DOCK1: variants seen among roughly 807,000 people sequenced by gnomAD.
DOCK1 encodes dedicator of cytokinesis protein 1.
In DOCK1, 138 loss-of-function variants were observed where a neutral mutation model predicts 262.7. That is an observed-to-expected ratio of 0.53 (90% confidence interval 0.46 to 0.61). The LOEUF is 0.61. DOCK1 is among the 20% of genes least tolerant of loss of function. The probability of loss-of-function intolerance (pLI) is 0.00; values close to 1 mark genes in which losing one functional copy is unlikely to be tolerated. For synonymous variants in DOCK1, 866 were observed against 867.4 expected, an observed-to-expected ratio of 1.00 and a Z score of 0.03; for missense variants, 1,908 against 2,370.7, an observed-to-expected ratio of 0.80 and a Z score of 4.05.
At chr10:127,262,050 C>T (rs1590182572) in intron 29 of DOCK1, among the ~76,000 whole-genome samples, 1 of 90,092 alleles carries the variant, frequency 1.1e-5, no homozygotes, top group Non-Finnish European at 2.2e-5. Context: ...GTGTGTGTAC[C>T]TGTGCTCTTC....
chr10:127,024,845 A>G lies in DOCK1; in HGVS notation c.1551+62A>G, dbSNP rs188080919. ...ATTATGAAATGCTCATTTGTAACCCAAGGAAACATCCTAACATCCTCCTCA... is the reference window on the plus strand; with the variant it reads ...ATTATGAAATGCTCATTTGTAACCCGAGGAAACATCCTAACATCCTCCTCA... On this transcript the variant is annotated intron_variant, in intron 15 of 51. Coordinates refer to ENST00000623213, the MANE Select transcript of DOCK1 (RefSeq NM_001290223.2). The G allele has an allele frequency of 3.6e-6, 5 of 1,405,432 alleles. No homozygotes were observed. The African/African-American group carries it at 4.3e-5, about 12-fold the overall frequency. The allele number at this position is 1,405,432 out of a possible 1,614,324, so 87.1% of individuals were successfully genotyped here.
chr10:127,414,359 T>G (rs1390926254), intron 43 of DOCK1, among the ~76,000 whole-genome samples: 11 of 152,142 alleles, frequency 7.2e-5, no homozygotes, highest in African/African-American at 2.4e-4. Context: ...AACGAGGCAG[T>G]AGGATAAAGG....
intron 22 of DOCK1, among the ~76,000 whole-genome samples, chr10:127,061,380 T>C (rs1221872689): frequency 1.3e-5 from 2 of 152,240 alleles, no homozygotes; most frequent in African/African-American, 2.4e-5. Flanking sequence ...TCCCTTTCTG[T>C]ATATTTTCTG....
At chr10:127,086,085 T>G (rs576924643) in intron 23 of DOCK1, among the ~76,000 whole-genome samples, 2 of 152,252 alleles carry the variant, frequency 1.3e-5, no homozygotes, top group African/African-American at 4.8e-5. Flanking sequence ...CCTCATCTCT[T>G]CAGGAGTTCG....
chr10:127,256,724 C>T (rs1564939921), intron 28 of DOCK1, among the ~76,000 whole-genome samples: 2 of 152,100 alleles, frequency 1.3e-5, no homozygotes, highest in Admixed American at 6.6e-5. Context: ...AGTTGCCCTG[C>T]GAAGTACACA....
intron 16 of DOCK1, among the ~76,000 whole-genome samples, chr10:127,030,761 A>G (rs891000442): frequency 1.3e-5 from 2 of 152,174 alleles, no homozygotes; most frequent in Non-Finnish European, 2.9e-5. Flanking sequence ...AAATAGCAAC[A>G]AGATCAACAA....
chr10:126,905,499 CG>C lies in DOCK1; in HGVS notation c.-17del. ...GACGCGGAGTTTCCTGCCCGACCCG[CG>C]GCGGCTCCGGCGGCGCCATGACGCG... On this transcript the variant is annotated 5_prime_UTR_variant, in exon 1 of 52. Coordinates refer to ENST00000623213, the MANE Select transcript of DOCK1 (RefSeq NM_001290223.2). 1.9e-6 allele frequency: 1 copy of C among 524,972 alleles called. No homozygotes were observed. Among genetic ancestry groups the C allele is most frequent in the Non-Finnish European group, 3.5e-6 (1 of 285,158 alleles). The allele number at this position is 524,972 out of a possible 1,614,324, so 32.5% of individuals were successfully genotyped here.
rs184157322 is a variant in DOCK1 at position 126,923,360 on chromosome 10, A to G, written c.46+17797A>G. On this transcript the variant is annotated intron_variant, in intron 1 of 51. Transcript: ENST00000623213. ...TAGGCATGGCTGGGTGTGGTGGCTC[A>G]TGCCTGTAATCCCAGCACTTTGGGA... is the stretch of plus-strand genomic sequence containing the variant. Among the ~76,000 whole-genome samples the G allele has an allele frequency of 1.9e-3, 282 of 152,202 alleles. 2 individuals are homozygous for G. The highest frequency in any genetic ancestry group is 6.5e-3 in the African/African-American group (271 of 41,550).
chr10:127,241,662 T>G (rs1488557783), intron 27 of DOCK1, among the ~76,000 whole-genome samples: 1 of 152,204 alleles, frequency 6.6e-6, no homozygotes, highest in African/African-American at 2.4e-5. Flanking sequence ...AGGTTTGGTT[T>G]GGGACTAAGG....
At chr10:127,223,741 G>T (rs1356391063) in intron 27 of DOCK1, among the ~76,000 whole-genome samples, 1 of 152,068 alleles carries the variant, frequency 6.6e-6, no homozygotes, top group Non-Finnish European at 1.5e-5. Flanking sequence ...ACTTTTTTGG[G>T]AGTGCTGTTT....
At chr10:127,204,264 A>G (rs2057611510) in intron 27 of DOCK1, among the ~76,000 whole-genome samples, 2 of 152,270 alleles carry the variant, frequency 1.3e-5, no homozygotes, top group African/African-American at 4.8e-5. Flanking sequence ...GATTCGAGAA[A>G]GAAACTTGAA....
intron 1 of DOCK1, among the ~76,000 whole-genome samples, chr10:126,954,635 C>T (rs1390166021): frequency 6.6e-6 from 1 of 152,316 alleles, no homozygotes; most frequent in South Asian, 2.1e-4. Context: ...TATTTTCTGT[C>T]TCTATGCAAG....
chr10:127,054,806 T>A (rs140073404), intron 22 of DOCK1, among the ~76,000 whole-genome samples: 1 of 152,342 alleles, frequency 6.6e-6, no homozygotes, highest in East Asian at 1.9e-4. Context: ...ACTCAGGCAT[T>A]TGATGATCTG....
At position 127,419,607 on chromosome 10, in the gene DOCK1, G is replaced by A. The variant is rs570979029; in HGVS notation, c.4693-59G>A. 1.3e-5 allele frequency: 19 copies of A among 1,489,736 alleles called. No individual in the cohort carries two copies. The East Asian group carries it at 3.2e-4, about 25-fold the overall frequency. 92.3% of individuals were successfully genotyped at this position (1,489,736 alleles called of 1,614,324 possible). A position where few individuals can be genotyped will look rare whatever the true frequency, so the allele number is the denominator to read the frequency against. On this transcript the variant is annotated intron_variant, in intron 45 of 51. Coordinates refer to ENST00000623213, the MANE Select transcript of DOCK1 (RefSeq NM_001290223.2). Reference sequence around the variant, plus strand: ...TCTCAGGGCCTGGCACACAGTAAGTGTGCAAAAACCTGTGTTTGCTGAGCA... The same window carrying A: ...TCTCAGGGCCTGGCACACAGTAAGTATGCAAAAACCTGTGTTTGCTGAGCA...
At chr10:127,156,477 A>C (rs191843893) in intron 27 of DOCK1, among the ~76,000 whole-genome samples, 82 of 152,076 alleles carry the variant, frequency 5.4e-4, no homozygotes, top group African/African-American at 1.8e-3. Flanking sequence ...GGAGTACTTC[A>C]GTAAGAAATT....
At chr10:127,435,125 A>G (rs1044898879) in intron 48 of DOCK1, among the ~76,000 whole-genome samples, 8 of 152,210 alleles carry the variant, frequency 5.3e-5, no homozygotes, top group African/African-American at 1.9e-4. Flanking sequence ...AGAGAACTGC[A>G]ACATTGGTAT....
intron 34 of DOCK1, 37 bp from the exon 35 acceptor site, chr10:127,374,021 G>C (rs374721607): frequency 1.9e-6 from 3 of 1,573,766 alleles, no homozygotes; most frequent in Non-Finnish European, 2.6e-6. Context: ...TTCTTTTTCT[G>C]AGTGTGATTA....
chr10:127,323,480 C>T (rs999043356), intron 29 of DOCK1, among the ~76,000 whole-genome samples: 8 of 152,316 alleles, frequency 5.3e-5, no homozygotes, highest in African/African-American at 1.7e-4. Flanking sequence ...GATGTATCTT[C>T]TAAAAGCCAA....
chr10:126,941,704 G>C (rs920838331), intron 1 of DOCK1, among the ~76,000 whole-genome samples: 1 of 152,144 alleles, frequency 6.6e-6, no homozygotes, highest in South Asian at 2.1e-4. Flanking sequence ...GCAGTGAGCC[G>C]AGATCGTGCC....
Sources: allele counts gnomAD v4.1 joint callset (sites outside exome capture counted in the v4.1 genomes callset), GRCh38; gene constraint gnomAD v4.1.1; transcripts MANE v1.5; gene names NCBI Gene and HGNC (gene_info 2026-07-23, HGNC 2026-07-21).